NSMCE2: variants seen among roughly 807,000 people sequenced by gnomAD.
NSMCE2 encodes NSE2 SUMO ligase component of SMC5/6 complex.
Under a neutral mutation model 23.8 loss-of-function variants are expected in NSMCE2, and 24 were observed. The observed-to-expected ratio is 1.01, with a 90% CI of 0.73 to 1.42. The LOEUF is 1.42. NSMCE2 is among the 40% of genes most tolerant of loss of function. The pLI is 0.00. For missense variants in NSMCE2, 284 were observed against 296.5 expected, an observed-to-expected ratio of 0.96 and a Z score of 0.31; for synonymous variants, 92 against 94.1, an observed-to-expected ratio of 0.98 and a Z score of 0.13.
In NSMCE2 at chr8:125,150,426, C is replaced by CTTTTTTT. The variant is rs71295819; in HGVS notation, c.158-726_158-720dup. ...TTTTCTTTTTTTCTTTTCTTTCTTT[C>CTTTTTTT]TTTTTTTTTTTTTTTTTTTTTTTTT... On this transcript the variant is annotated intron_variant, in intron 3 of 7. Coordinates refer to ENST00000287437, the MANE Select transcript of NSMCE2 (RefSeq NM_173685.4). 8.4e-3 allele frequency among the ~76,000 whole-genome samples: 522 copies of CTTTTTTT among 61,918 alleles called. 4 individuals carry two copies. Among genetic ancestry groups the CTTTTTTT allele is most frequent in the Middle Eastern group, 0.02 (1 of 50 alleles). The allele number at this position is 61,918 out of a possible 152,430, so 40.6% of individuals were successfully genotyped here.
In NSMCE2 at chr8:125,202,182, A is replaced by G. The variant is rs571945758; in HGVS notation, c.418+19926A>G. Among the ~76,000 whole-genome samples the G allele has an allele frequency of 5.3e-5, 8 of 152,322 alleles. No individual in the cohort carries two copies. In the East Asian group the frequency reaches 5.8e-4, roughly 11 times the overall value. ...CCCCTTGCGCTTCCTTCGTGAGGCAATGCCCCGCCCTACTTCACCTTGCCC... is the reference window on the plus strand; with the variant it reads ...CCCCTTGCGCTTCCTTCGTGAGGCAGTGCCCCGCCCTACTTCACCTTGCCC... On this transcript the variant is annotated intron_variant, in intron 5 of 7. Coordinates refer to ENST00000287437, the MANE Select transcript of NSMCE2 (RefSeq NM_173685.4).
chr8:125,227,278 C>G (rs142845829), intron 5 of NSMCE2, among the ~76,000 whole-genome samples: 2 of 152,186 alleles, frequency 1.3e-5, no homozygotes, highest in Non-Finnish European at 2.9e-5. Context: ...CTCGGTGTCT[C>G]CATCAGTGGT....
intron 5 of NSMCE2, among the ~76,000 whole-genome samples, chr8:125,194,015 A>G (rs1445386383): frequency 6.6e-6 from 1 of 152,218 alleles, no homozygotes; most frequent in African/African-American, 2.4e-5. Flanking sequence ...ATGTTGAAAG[A>G]GGAGGAGGAA....
intron 5 of NSMCE2, among the ~76,000 whole-genome samples, chr8:125,194,098 C>T (rs1359062566): frequency 1.3e-5 from 2 of 152,116 alleles, no homozygotes; most frequent in Non-Finnish European, 2.9e-5. Context: ...ACTCTCCCAT[C>T]TATTATCTTA....
chr8:125,106,271 A>G (rs1563652963), intron 3 of NSMCE2, among the ~76,000 whole-genome samples: 3 of 152,234 alleles, frequency 2.0e-5, no homozygotes, highest in African/African-American at 7.2e-5. Context: ...AACAGAAAAG[A>G]TGTTATAAAG....
intron 3 of NSMCE2, among the ~76,000 whole-genome samples, chr8:125,128,488 T>C (rs1348032106): frequency 1.3e-5 from 2 of 152,210 alleles, no homozygotes; most frequent in Non-Finnish European, 2.9e-5. Context: ...ATTTCTGACA[T>C]ACGCATCTAT....
At chr8:125,304,993 GGGAA>G (rs1361145109) in intron 5 of NSMCE2, among the ~76,000 whole-genome samples, 6 of 149,742 alleles carry the variant, frequency 4.0e-5, no homozygotes, top group South Asian at 4.2e-4. Flanking sequence ...GAGGGAGGGA[GGGAA>G]GGAAGGAAGG....
At chr8:125,256,414 G>A (rs1473564271) in intron 5 of NSMCE2, among the ~76,000 whole-genome samples, 1 of 152,192 alleles carries the variant, frequency 6.6e-6, no homozygotes, top group African/African-American at 2.4e-5. Flanking sequence ...TAAGGAGGAG[G>A]ATAATGCAGG....
At chr8:125,319,743 AG>A (rs1223083399) in intron 5 of NSMCE2, among the ~76,000 whole-genome samples, 8 of 152,190 alleles carry the variant, frequency 5.3e-5, no homozygotes, top group African/African-American at 1.7e-4. Context: ...AAAAATGAAC[AG>A]GGCACCAGTG....
At chr8:125,194,810 A>G (rs956957823) in intron 5 of NSMCE2, among the ~76,000 whole-genome samples, 1 of 152,160 alleles carries the variant, frequency 6.6e-6, no homozygotes, top group African/African-American at 2.4e-5. Context: ...TTTGTTTTTC[A>G]TTCTGCTATT....
intron 3 of NSMCE2, among the ~76,000 whole-genome samples, chr8:125,136,012 A>G (rs542271619): frequency 6.6e-6 from 1 of 152,318 alleles, no homozygotes; most frequent in Admixed American, 6.5e-5. Flanking sequence ...TAAGGTGGGC[A>G]TTTATATGGC....
In NSMCE2 at chr8:125,250,934, A is replaced by G. The variant is rs150868618; in HGVS notation, c.418+68678A>G. On this transcript the variant is annotated intron_variant, in intron 5 of 7. Transcript: ENST00000287437. ...ATTAGTATTAACCTACATTCACTAA[A>G]TCTTTACTAGGTGACAGTAAAACAA... 9.8e-5 allele frequency among the ~76,000 whole-genome samples: 15 copies of G among 152,344 alleles called. No homozygotes were observed. The East Asian group carries it at 2.9e-3, about 29-fold the overall frequency.
intron 5 of NSMCE2, among the ~76,000 whole-genome samples, chr8:125,209,082 G>A (rs1260921586): frequency 2.0e-5 from 3 of 152,174 alleles, no homozygotes; most frequent in African/African-American, 7.2e-5. Flanking sequence ...GAGTGGCTGG[G>A]ACTACAGCCA....
chr8:125,135,327 A>G lies in NSMCE2; in HGVS notation c.158-15844A>G, dbSNP rs368687583. On this transcript the variant is annotated intron_variant, in intron 3 of 7. Transcript: ENST00000287437. ...CAACTTCTCAAGTAGCTGGAATTAC[A>G]AGCTCGAGCCTCTGTGCTTGGCTCA... Among the ~76,000 whole-genome samples, 5 of 152,292 alleles carry G rather than the reference A, an allele frequency of 3.3e-5. No individual in the cohort carries two copies. The East Asian group carries it at 7.7e-4, about 23-fold the overall frequency.
chr8:125,257,154 C>T (rs113583575), intron 5 of NSMCE2, among the ~76,000 whole-genome samples: 3 of 151,130 alleles, frequency 2.0e-5, no homozygotes, highest in Non-Finnish European at 2.9e-5. Flanking sequence ...CGTGGTGGCA[C>T]GTGCCTGTAA....
chr8:125,262,707 A>G (rs558532361), intron 5 of NSMCE2, among the ~76,000 whole-genome samples: 1 of 151,866 alleles, frequency 6.6e-6, no homozygotes, highest in African/African-American at 2.4e-5. Flanking sequence ...TTTTTTTTCT[A>G]AAAACTCACT....
Position 125,163,038 on chromosome 8 carries a change from T to G in NSMCE2, c.264+11761T>G, listed in dbSNP as rs1040954122. ...TATGAAATACTTAAAGTTGAATATC[T>G]GTATATAGCAATGAAGAAAGAATGT... On this transcript the variant is annotated intron_variant, in intron 4 of 7. Transcript: ENST00000287437. Among the ~76,000 whole-genome samples, 10 of 152,134 alleles carry G rather than the reference T, an allele frequency of 6.6e-5. 1 individual carries two copies. Among genetic ancestry groups the G allele is most frequent in the Non-Finnish European group, 1.3e-4 (9 of 68,032 alleles).
At chr8:125,153,306 G>A (rs1821142230) in intron 4 of NSMCE2, among the ~76,000 whole-genome samples, 1 of 152,136 alleles carries the variant, frequency 6.6e-6, no homozygotes, top group South Asian at 2.1e-4. Flanking sequence ...ATGCTTATCA[G>A]GAAGGTCTCT....
At chr8:125,326,557 A>G (rs1829671261) in intron 5 of NSMCE2, among the ~76,000 whole-genome samples, 1 of 152,194 alleles carries the variant, frequency 6.6e-6, no homozygotes, top group Non-Finnish European at 1.5e-5. Context: ...GGGATTGTGG[A>G]AAAGAGAGAG....
Sources: gnomAD v4.1 joint callset for allele counts (sites outside exome capture counted in the v4.1 genomes callset) on GRCh38, gnomAD v4.1.1 for gene constraint, MANE v1.5 for transcripts, NCBI Gene and HGNC (gene_info 2026-07-23, HGNC 2026-07-21) for gene names.